Variants in RPAIN observed in about 807,000 individuals in gnomAD.
The protein encoded by RPAIN is RPA interacting protein, also known as RPA-interacting protein.
A neutral mutation model predicts 30.5 loss-of-function variants in RPAIN; 29 were observed. That is an observed-to-expected ratio of 0.95 (90% CI 0.71 to 1.30). RPAIN has a LOEUF of 1.30. Ranked by LOEUF, RPAIN falls within the 50% of genes most tolerant of loss-of-function variation. The pLI, the probability that RPAIN is intolerant of heterozygous loss-of-function variation, is 0.00. For synonymous variants in RPAIN, 101 were observed against 93.5 expected (o/e 1.08, Z -0.46); for missense variants, 247 against 264.7 (o/e 0.93, Z 0.46).
intron 6 of RPAIN, chr17:5,431,497 AAAAG>A (rs1312952474): frequency 1.1e-5 from 5 of 440,482 alleles, no homozygotes; most frequent in Non-Finnish European, 1.8e-5. Context: ...AAAAAAAAAA[AAAAG>A]AGGAGGGGGA....
chr17:5,432,695 GAA>G lies in RPAIN; in HGVS notation c.*132_*133del, dbSNP rs553032511. The G allele has an allele frequency of 4.8e-6, 5 of 1,032,712 alleles. No homozygotes were observed. In the South Asian group the frequency reaches 6.3e-5, roughly 13 times the overall value. The allele number at this position is 1,032,712 out of a possible 1,614,324, so 64.0% of individuals were successfully genotyped here. A position where few individuals can be genotyped will look rare whatever the true frequency, so the allele number is the denominator to read the frequency against. On this transcript the variant is annotated 3_prime_UTR_variant, in exon 7 of 7. Transcript: ENST00000381209. ...ATTGAAACTTTTAAACAATACTGAA[GAA>G]AAAAAAACTTTTCCGACATCTGTTC...
chr17:5,429,106 A>G (rs1915671545), intron 6 of RPAIN: 1 of 985,326 alleles, frequency 1.0e-6, no homozygotes. Context: ...CACATCTCTC[A>G]CAGAGCTCAA....
Position 5,432,587 on chromosome 17 carries a change from A to T in RPAIN, c.*16A>T. 2 of 1,612,892 alleles carry T rather than the reference A, an allele frequency of 1.2e-6. No individual in the cohort carries two copies. The highest frequency in any genetic ancestry group is 1.7e-6 in the Non-Finnish European group (2 of 1,178,826). ...GATCCTCTAGAGCCAGCTTGGACTC[A>T]CATCATTCTATGGGGTTGAAGACAA... On this transcript the variant is annotated 3_prime_UTR_variant, in exon 7 of 7. Transcript: ENST00000381209.
chr17:5,426,646 T>TC, intron 5 of RPAIN: 1 of 194,676 alleles, frequency 5.1e-6, no homozygotes, highest in Non-Finnish European at 1.1e-5. Context: ...GTAATTTTTT[T>TC]TTTTTTTTTT....
intron 2 of RPAIN, 178 bp downstream of exon 2, chr17:5,421,644 T>A: frequency 2.0e-6 from 1 of 511,894 alleles, no homozygotes; most frequent in Non-Finnish European, 3.4e-6. Flanking sequence ...CTAGATGAAA[T>A]GGTCTGAAAT....
Position 5,432,788 on chromosome 17 carries a change from A to G in RPAIN, c.*217A>G. 1 of 783,810 alleles carries G rather than the reference A, an allele frequency of 1.3e-6. No homozygotes were observed. Among genetic ancestry groups the G allele is most frequent in the Non-Finnish European group, 1.9e-6 (1 of 519,246 alleles). The allele number at this position is 783,810 out of a possible 1,614,324, so 48.6% of individuals were successfully genotyped here. On this transcript the variant is annotated 3_prime_UTR_variant, in exon 7 of 7. Coordinates refer to ENST00000381209, the MANE Select transcript of RPAIN (RefSeq NM_001033002.4). ...AAAGACAAACTGCCTTGGAGGAGAT[A>G]AACCAATTTTATGTCTATCATGTTA...
At chr17:5,421,523 T>G (rs954484697) in intron 2 of RPAIN, 57 bp downstream of exon 2, 4 of 1,513,348 alleles carry the variant, frequency 2.6e-6, no homozygotes, top group Non-Finnish European at 3.6e-6. Context: ...GAACGGCTCG[T>G]GTCCTCTTTT....
intron 5 of RPAIN, chr17:5,427,552 C>T (rs1915519273): frequency 6.5e-6 from 1 of 154,402 alleles, no homozygotes; most frequent in Non-Finnish European, 1.4e-5. Context: ...TCCTCCCCAT[C>T]TTTTACCTAA....
At chr17:5,425,585 C>T (rs1304299897) in intron 3 of RPAIN, 1 of 350,458 alleles carries the variant, frequency 2.9e-6, no homozygotes, top group African/African-American at 2.1e-5. Flanking sequence ...ATCTGCCTGC[C>T]TCAGCCTCCC....
chr17:5,431,725 T>C, intron 6 of RPAIN: 1 of 441,656 alleles, frequency 2.3e-6, no homozygotes, highest in Non-Finnish European at 4.5e-6. Flanking sequence ...TTGCACTCTA[T>C]CACAAGACGA....
Position 5,422,802 on chromosome 17 carries a change from G to A in RPAIN, c.286G>A (p.Glu96Lys). The change falls in exon 3 of 7, where the codon GAA (glutamate) becomes AAA (lysine). Residue 96 changes from glutamate (E) to lysine (K), a missense_variant. By Grantham distance (56) the Glu-to-Lys change is moderately conservative. Transcript: ENST00000381209. ...EELIDMAVLE[E>K]IQQELINQEQ... Reference sequence around the variant, plus strand: ...GCTGATAGACATGGCTGTGCTGGAGGAAATTCAACAGGAGCTGATCAACCA... The same window carrying A: ...GCTGATAGACATGGCTGTGCTGGAGAAAATTCAACAGGAGCTGATCAACCA... 6.2e-7 allele frequency: 1 copy of A among 1,613,262 alleles called. No individual in the cohort carries two copies. Among genetic ancestry groups the A allele is most frequent in the Non-Finnish European group, 8.5e-7 (1 of 1,179,482 alleles).
chr17:5,432,262 T>A, intron 6 of RPAIN: 1 of 378,596 alleles, frequency 2.6e-6, no homozygotes, highest in South Asian at 4.9e-5. Flanking sequence ...GGTTTCCTGA[T>A]GGTGAGGATG....
chr17:5,427,843 AGT>A (rs1291268840), intron 5 of RPAIN: 3 of 550,898 alleles, frequency 5.4e-6, no homozygotes, highest in Non-Finnish European at 9.8e-6. Context: ...AGTGGCCATC[AGT>A]GTGTTTGACA....
rs1293365122 is a variant in RPAIN, at chr17:5,426,076, G to T, written c.419G>T (p.Cys140Phe). The T allele has an allele frequency of 6.2e-7, 1 of 1,609,884 alleles. No homozygotes were observed. Among genetic ancestry groups the T allele is most frequent in the Non-Finnish European group, 8.5e-7 (1 of 1,176,414 alleles). The stretch of plus-strand genomic sequence containing the variant: ...GCAAACCCACTCATCTGTCCTGTAT[G>T]TACAAAGTAAGAGTTTTTAAAACCT... Reference protein sequence around the residue: ...WEANPLICPVCTKYNLRITSG... With the variant: ...WEANPLICPVFTKYNLRITSG... Residue 140 changes from cysteine to phenylalanine, a missense_variant, in exon 4 of 7, where the codon TGT (cysteine) becomes TTT (phenylalanine). Coordinates refer to ENST00000381209, the MANE Select transcript of RPAIN (RefSeq NM_001033002.4).
At chr17:5,429,511 T>G in intron 6 of RPAIN, 1 of 984,924 alleles carries the variant, frequency 1.0e-6, no homozygotes, top group South Asian at 4.7e-5. Context: ...AGAGCTGGTG[T>G]TAGACCCCAG....
chr17:5,431,790 A>C, intron 6 of RPAIN: 1 of 378,284 alleles, frequency 2.6e-6, no homozygotes, highest in South Asian at 2.0e-5. Flanking sequence ...GGAATATGCC[A>C]AACCGCCTAT....
At chr17:5,425,339 CTT>C (rs758229337) in intron 3 of RPAIN, 2,599 of 405,014 alleles carry the variant, frequency 6.4e-3, no homozygotes, top group Admixed American at 7.8e-3. Flanking sequence ...TCAGTTCTCT[CTT>C]TTTTTTTTTT....
chr17:5,429,507 G>A, intron 6 of RPAIN: 1 of 984,572 alleles, frequency 1.0e-6, no homozygotes. Flanking sequence ...CGATAGAGCT[G>A]GTGTTAGACC....
intron 3 of RPAIN, 105 bp from the exon 4 acceptor site, chr17:5,425,866 C>G: frequency 1.4e-6 from 1 of 719,814 alleles, no homozygotes; most frequent in Non-Finnish European, 2.3e-6. Context: ...TGGTCTTGCC[C>G]AAATCTTTCC....
Sources: gnomAD v4.1 joint callset for allele counts on GRCh38, gnomAD v4.1.1 for gene constraint, MANE v1.5 for transcripts, NCBI Gene and HGNC (gene_info 2026-07-23, HGNC 2026-07-21) for gene names.